The following TRPM3 variants were observed in gnomAD, a reference collection of about 807,000 sequenced individuals.
The protein encoded by TRPM3 is transient receptor potential cation channel subfamily M member 3.
TRPM3 carries 77 observed loss-of-function variants against 181.2 expected under a neutral mutation model. The ratio of observed to expected loss-of-function variants is 0.42; its 90% CI spans 0.35 to 0.51. The LOEUF (loss-of-function observed/expected upper bound fraction) is 0.51, where lower values mean the gene tolerates loss of function less well. Among genes scored for constraint, TRPM3 ranks in the 20% least tolerant of loss-of-function variants. The pLI is 0.01. For synonymous variants in TRPM3, 745 were observed against 796.4 expected (o/e 0.94, Z 1.09); for missense variants, 1,759 against 2,196.7 (o/e 0.80, Z 3.98).
chr9:71,113,666 T>A (rs888794049), intron 1 of TRPM3, among the ~76,000 whole-genome samples: 2 of 152,172 alleles, frequency 1.3e-5, no homozygotes, highest in Non-Finnish European at 2.9e-5. Flanking sequence ...AAAAAATAAT[T>A]ATAAAAGTCA....
intron 6 of TRPM3, among the ~76,000 whole-genome samples, chr9:70,789,125 TA>T (rs997574537): frequency 2.0e-5 from 3 of 152,226 alleles, no homozygotes; most frequent in African/African-American, 4.8e-5. Context: ...ACAGGATATT[TA>T]AAAAACTCTA....
chr9:71,149,869 G>A (rs1351536011), intron 1 of TRPM3, among the ~76,000 whole-genome samples: 1 of 152,122 alleles, frequency 6.6e-6, no homozygotes, highest in East Asian at 1.9e-4. Flanking sequence ...AGGCTGAGGT[G>A]GGAGGATGGC....
chr9:71,382,471 T>G (rs1303650099), intron 1 of TRPM3, among the ~76,000 whole-genome samples: 1 of 152,126 alleles, frequency 6.6e-6, no homozygotes, highest in Non-Finnish European at 1.5e-5. Context: ...TTACTCTAGG[T>G]ACAGTGGGAT....
chr9:71,141,748 A>C (rs1437975534), intron 1 of TRPM3, among the ~76,000 whole-genome samples: 1 of 152,178 alleles, frequency 6.6e-6, no homozygotes, highest in African/African-American at 2.4e-5. Context: ...TTATAAGTTG[A>C]CTATATTTTT....
intron 5 of TRPM3, among the ~76,000 whole-genome samples, chr9:70,839,963 G>C (rs1354053018): frequency 6.6e-6 from 1 of 152,134 alleles, no homozygotes; most frequent in Admixed American, 6.6e-5. Flanking sequence ...TGAGAAAAGA[G>C]TTGCGACTGT....
intron 1 of TRPM3, among the ~76,000 whole-genome samples, chr9:70,923,425 A>T (rs1298970982): frequency 6.6e-6 from 1 of 152,168 alleles, no homozygotes; most frequent in East Asian, 1.9e-4. Flanking sequence ...AGCCTCTCCC[A>T]TGGGGGTTCT....
chr9:71,145,353 G>C (rs1023789810), intron 1 of TRPM3, among the ~76,000 whole-genome samples: 1 of 152,148 alleles, frequency 6.6e-6, no homozygotes, highest in Non-Finnish European at 1.5e-5. Flanking sequence ...TCAGCCAAGG[G>C]CTTCTGCTGC....
intron 1 of TRPM3, among the ~76,000 whole-genome samples, chr9:71,033,199 G>T (rs1175235021): frequency 6.6e-6 from 1 of 152,226 alleles, no homozygotes; most frequent in African/African-American, 2.4e-5. Context: ...TTAGAGAGAA[G>T]TGGTCCTAGA....
chr9:70,587,985 A>C (rs1307582827), intron 22 of TRPM3, among the ~76,000 whole-genome samples: 1 of 152,082 alleles, frequency 6.6e-6, no homozygotes, highest in Admixed American at 6.5e-5. Flanking sequence ...TTCCAATCAC[A>C]TTCTCTCACT....
At chr9:71,285,337 G>A (rs2085191626) in intron 1 of TRPM3, among the ~76,000 whole-genome samples, 1 of 152,178 alleles carries the variant, frequency 6.6e-6, no homozygotes, top group African/African-American at 2.4e-5. Context: ...CTAGAGGGTC[G>A]TAGCTGCACT....
At chr9:71,154,563 A>C (rs921947428) in intron 1 of TRPM3, among the ~76,000 whole-genome samples, 1 of 152,072 alleles carries the variant, frequency 6.6e-6, no homozygotes, top group Non-Finnish European at 1.5e-5. Context: ...CCCTCCTTCA[A>C]AATAATCTAT....
intron 1 of TRPM3, among the ~76,000 whole-genome samples, chr9:70,967,639 T>A (rs769631056): frequency 1.1e-4 from 16 of 152,264 alleles, no homozygotes; most frequent in Admixed American, 2.0e-4. Context: ...AGATGATCTC[T>A]GAATAAAGGG....
chr9:71,096,257 C>G (rs1447467731), intron 1 of TRPM3, among the ~76,000 whole-genome samples: 1 of 147,828 alleles, frequency 6.8e-6, no homozygotes, highest in African/African-American at 2.5e-5. Context: ...CTGTGAGTCC[C>G]TCTTATTTCA....
intron 1 of TRPM3, among the ~76,000 whole-genome samples, chr9:70,873,129 G>A (rs999948809): frequency 1.3e-5 from 2 of 151,840 alleles, no homozygotes; most frequent in South Asian, 2.1e-4. Context: ...AGAAAATCAC[G>A]ATGATGTCAC....
intron 1 of TRPM3, among the ~76,000 whole-genome samples, chr9:71,388,641 G>A (rs1471917989): frequency 6.6e-6 from 1 of 152,102 alleles, no homozygotes; most frequent in African/African-American, 2.4e-5. Context: ...GTATATTCGG[G>A]CCTACAGACA....
At chr9:71,030,605 G>C (rs2057170675) in intron 1 of TRPM3, among the ~76,000 whole-genome samples, 1 of 151,352 alleles carries the variant, frequency 6.6e-6, no homozygotes, top group African/African-American at 2.4e-5. Flanking sequence ...ATAACACCCA[G>C]GTATCCTTTG....
chr9:70,900,902 C>T (rs2096375948), intron 1 of TRPM3, among the ~76,000 whole-genome samples: 1 of 152,212 alleles, frequency 6.6e-6, no homozygotes, highest in Admixed American at 6.5e-5. Context: ...ATCAGAGACA[C>T]TATGAAGGAC....
At chr9:70,581,817 C>T (rs190630597) in intron 22 of TRPM3, among the ~76,000 whole-genome samples, 4 of 152,204 alleles carry the variant, frequency 2.6e-5, no homozygotes, top group East Asian at 3.9e-4. Flanking sequence ...CTGCTGGGCT[C>T]ACACAGCTCT....
At chr9:70,800,808 AT>A (rs76229143) in intron 6 of TRPM3, among the ~76,000 whole-genome samples, 2 of 151,622 alleles carry the variant, frequency 1.3e-5, no homozygotes, top group Admixed American at 6.6e-5. Flanking sequence ...TATCAATAGT[AT>A]TTTTTTTTGA....
Sources: gnomAD v4.1 joint callset for allele counts (sites outside exome capture counted in the v4.1 genomes callset) on GRCh38, gnomAD v4.1.1 for gene constraint, MANE v1.5 for transcripts, NCBI Gene and HGNC (gene_info 2026-07-23, HGNC 2026-07-21) for gene names.